TCF3: variants seen among roughly 807,000 people sequenced by gnomAD.
TCF3 encodes transcription factor E2-alpha.
In TCF3, 54 loss-of-function variants were observed where a neutral mutation model predicts 72.3. The observed-to-expected ratio is 0.75, with a 90% CI of 0.60 to 0.94. The LOEUF (loss-of-function observed/expected upper bound fraction) is 0.94, where lower values mean the gene tolerates loss of function less well. Among genes scored for constraint, TCF3 ranks in the 40% least tolerant of loss-of-function variants. TCF3 has a pLI of 0.00. For synonymous variants in TCF3, 525 were observed against 412.6 expected (o/e 1.27, Z -3.30); for missense variants, 1,078 against 934.4 (o/e 1.15, Z -2.00).
rs1041009464 is a variant in TCF3 at position 1,612,449 on chromosome 19, G to A, written c.1823-600C>T. 1.0e-5 allele frequency: 16 copies of A among 1,601,384 alleles called. No homozygotes were observed. Among genetic ancestry groups the A allele is most frequent in the East Asian group, 2.2e-5 (1 of 44,674 alleles). Reference sequence around the variant, plus strand: ...GTCCGTACTGCTGGGTCACAGCACCGAGGCCTCTGTTAGTGATGCGCCAAG... The same window carrying A: ...GTCCGTACTGCTGGGTCACAGCACCAAGGCCTCTGTTAGTGATGCGCCAAG... On this transcript the variant is annotated intron_variant, in intron 18 of 18. Coordinates refer to ENST00000262965, the MANE Select transcript of TCF3 (RefSeq NM_003200.5).
At chr19:1,646,478 C>G in intron 2 of TCF3, 51 bp from the exon 3 acceptor site, 2 of 1,516,432 alleles carry the variant, frequency 1.3e-6, no homozygotes, top group Non-Finnish European at 1.8e-6. Flanking sequence ...AAACCAAACC[C>G]TACAGTCCCG....
At chr19:1,631,050 G>A (rs781603840) in intron 5 of TCF3, among the ~76,000 whole-genome samples, 11 of 152,222 alleles carry the variant, frequency 7.2e-5, no homozygotes, top group Non-Finnish European at 1.2e-4. Context: ...CCTGCAGCAC[G>A]GGTGAGCCTG....
At chr19:1,620,766 C>T (rs1182252444) in intron 13 of TCF3, among the ~76,000 whole-genome samples, 1 of 152,174 alleles carries the variant, frequency 6.6e-6, no homozygotes, top group Non-Finnish European at 1.5e-5. Flanking sequence ...TGGGGGACTC[C>T]CTTCCACCGT....
intron 7 of TCF3, among the ~76,000 whole-genome samples, chr19:1,624,634 T>G (rs2062659777): frequency 6.6e-6 from 1 of 152,088 alleles, no homozygotes; most frequent in Non-Finnish European, 1.5e-5. Context: ...GTTTGCAAAC[T>G]CGCCTACAGG....
chr19:1,619,464 A>ATCT lies in TCF3; in HGVS notation c.1175_1177dup (p.Lys392dup). ...GATGGCCTCGTCCAGGTGGTCTTCT[A>ATCT]TCTTACTCTGCTGCAGGGTGGGGGG... On this transcript the variant is annotated inframe_insertion, in exon 15 of 19. Coordinates refer to ENST00000262965, the MANE Select transcript of TCF3 (RefSeq NM_003200.5). 2 of 1,579,160 alleles carry ATCT rather than the reference A, an allele frequency of 1.3e-6. No individual in the cohort carries two copies. The highest frequency in any genetic ancestry group is 4.5e-5 in the East Asian group (2 of 44,330).
At chr19:1,629,930 C>T (rs1385628110) in intron 5 of TCF3, among the ~76,000 whole-genome samples, 3 of 152,180 alleles carry the variant, frequency 2.0e-5, no homozygotes, top group East Asian at 3.9e-4. Flanking sequence ...ACCCCACAGG[C>T]CACACCCGGC....
At position 1,615,725 on chromosome 19, in the gene TCF3, T is replaced by G. The variant is rs769441505; in HGVS notation, c.1547A>C (p.Glu516Ala). The change falls in exon 17 of 19, where the codon GAG becomes GCG. Residue 516 changes from glutamate (E) to alanine (A), a missense_variant. Transcript: ENST00000262965. This position sits in a 1 kb window ranked among gnomAD's most constrained non-coding sequence, Gnocchi z 7.3. ...ENTSAADHSEEEKKELKAPRA... is the reference protein window; with the variant it reads ...ENTSAADHSEAEKKELKAPRA... ...GGGGGCCTTCAGCTCCTTCTTCTCC[T>G]CCTCCGAGTGGTCAGCCGCTGACGT... 5 of 1,613,198 alleles carry G rather than the reference T, an allele frequency of 3.1e-6. No homozygotes were observed. Among genetic ancestry groups the G allele is most frequent in the Non-Finnish European group, 3.4e-6 (4 of 1,179,494 alleles).
At chr19:1,641,615 G>A (rs1230258102) in intron 3 of TCF3, among the ~76,000 whole-genome samples, 1 of 152,096 alleles carries the variant, frequency 6.6e-6, no homozygotes, top group Non-Finnish European at 1.5e-5. Context: ...ACCACGCCCA[G>A]CTAATTTTTG....
chr19:1,629,008 GGGT>G (rs2063332897), intron 5 of TCF3, among the ~76,000 whole-genome samples: 1 of 96,554 alleles, frequency 1.0e-5, no homozygotes, highest in Admixed American at 9.4e-5. Flanking sequence ...GAGCTCACGG[GGGT>G]GAGGCGGGAA....
rs566675740 is a variant in TCF3 at position 1,634,873 on chromosome 19, G to T, written c.146-2468C>A. 3.3e-5 allele frequency among the ~76,000 whole-genome samples: 5 copies of T among 152,348 alleles called. No individual in the cohort carries two copies. The South Asian group carries it at 8.3e-4, about 25-fold the overall frequency. ...TGTACTATCAACGGCTGCTTTTGCT[G>T]CAACAGTAGAGTTGAATCAATTCCA... On this transcript the variant is annotated intron_variant, in intron 3 of 18. Transcript: ENST00000262965.
In TCF3 at chr19:1,621,871, T is replaced by C. The variant is rs894956330; in HGVS notation, c.922A>G (p.Thr308Ala). 4 of 1,594,582 alleles carry C rather than the reference T, an allele frequency of 2.5e-6. No individual in the cohort carries two copies. Among genetic ancestry groups the C allele is most frequent in the Non-Finnish European group, 2.6e-6 (3 of 1,172,346 alleles). ...GATYGGVSSH[T>A]PPVSGADSLL... ...CTGTCGGCCCCGCTGACAGGCGGCG[T>C]GTGGCTGGAGACGCCGCCGTACGTG... Residue 308 changes from threonine (T) to alanine (A), a missense_variant, in exon 11 of 19, where the codon ACG (threonine) becomes GCG (alanine). Coordinates refer to ENST00000262965, the MANE Select transcript of TCF3 (RefSeq NM_003200.5).
chr19:1,650,337 G>C (rs1600212486), intron 1 of TCF3, 50 bp from the exon 2 acceptor site: 1 of 1,362,982 alleles, frequency 7.3e-7, no homozygotes, highest in Admixed American at 2.1e-5. Context: ...AGGGAGGGGA[G>C]AAGAGTTGTG....
intron 3 of TCF3, among the ~76,000 whole-genome samples, chr19:1,645,573 C>G (rs777841387): frequency 4.6e-5 from 7 of 152,242 alleles, no homozygotes; most frequent in Non-Finnish European, 8.8e-5. Context: ...GCCCCTTCCT[C>G]TCACCCTCAG....
chr19:1,609,434 A>C lies in TCF3; in HGVS notation c.*2273T>G, dbSNP rs1334323200. ...CGTATACAATTATTTTCTTTAAAAA[A>C]ATTTTTTTGAAAACCATCTTGAGGC... On this transcript the variant is annotated 3_prime_UTR_variant, in exon 19 of 19. Transcript: ENST00000262965. The C allele has an allele frequency of 4.9e-6, 1 of 205,156 alleles. No individual in the cohort carries two copies. The highest frequency in any genetic ancestry group is 1.9e-4 in the South Asian group (1 of 5,294). The allele number at this position is 205,156 out of a possible 1,614,324, so 12.7% of individuals were successfully genotyped here. A position where few individuals can be genotyped will look rare whatever the true frequency, so the allele number is the denominator to read the frequency against.
At chr19:1,624,303 G>A (rs1429238838) in intron 7 of TCF3, among the ~76,000 whole-genome samples, 1 of 152,178 alleles carries the variant, frequency 6.6e-6, no homozygotes, top group Non-Finnish European at 1.5e-5. Flanking sequence ...GGCCGAGGCA[G>A]GAGAATCACT....
At chr19:1,637,489 C>T (rs1459564662) in intron 3 of TCF3, among the ~76,000 whole-genome samples, 1 of 152,186 alleles carries the variant, frequency 6.6e-6, no homozygotes, top group East Asian at 1.9e-4. Flanking sequence ...AACAGGGCCC[C>T]GCTTTGAATT....
intron 6 of TCF3, among the ~76,000 whole-genome samples, chr19:1,626,656 C>T (rs755783488): frequency 7.2e-4 from 110 of 152,254 alleles, no homozygotes; most frequent in Non-Finnish European, 9.3e-4. Context: ...AGCCCGGGCA[C>T]TTGCGTATTC....
At chr19:1,626,986 A>C (rs1315535556) in intron 6 of TCF3, among the ~76,000 whole-genome samples, 1 of 152,176 alleles carries the variant, frequency 6.6e-6, no homozygotes, top group African/African-American at 2.4e-5. Flanking sequence ...CCCCAGCCTC[A>C]CAACCAGGGC....
rs913208739 is a variant in TCF3, at chr19:1,614,471, G to A, written c.1822+814C>T. Among the ~76,000 whole-genome samples the A allele has an allele frequency of 6.6e-6, 1 of 152,334 alleles. No homozygotes were observed. On this transcript the variant is annotated intron_variant, in intron 18 of 18. Transcript: ENST00000262965. The surrounding 1 kb of genome is among the most constrained non-coding windows in gnomAD (Gnocchi z 5.6). ...AGAGGGACGGACGGGCGGGATGGAGGGGAGGGCGGAAGGCAGACAGCAGAG... is the reference window on the plus strand; with the variant it reads ...AGAGGGACGGACGGGCGGGATGGAGAGGAGGGCGGAAGGCAGACAGCAGAG...
Sources: allele counts gnomAD v4.1 joint callset (sites outside exome capture counted in the v4.1 genomes callset), GRCh38; gene constraint gnomAD v4.1.1; non-coding constraint Gnocchi (gnomAD v3.1); transcripts MANE v1.5; gene names NCBI Gene and HGNC (gene_info 2026-07-23, HGNC 2026-07-21).